PARP16: variants seen among roughly 807,000 people sequenced by gnomAD.
PARP16 encodes protein mono-ADP-ribosyltransferase PARP16.
In PARP16, 31 loss-of-function variants were observed where a neutral mutation model predicts 35.0. The observed-to-expected ratio is 0.88, with a 90% CI of 0.66 to 1.19. The LOEUF (loss-of-function observed/expected upper bound fraction) is 1.19. Among genes scored for constraint, PARP16 ranks in the 50% most tolerant of loss-of-function variants. The probability of loss-of-function intolerance (pLI) is 0.00; values close to 1 mark genes in which losing one functional copy is unlikely to be tolerated. For synonymous variants in PARP16, 162 were observed against 169.5 expected (o/e 0.96, Z 0.34); for missense variants, 424 against 411.2 (o/e 1.03, Z -0.27).
intron 2 of PARP16, among the ~76,000 whole-genome samples, chr15:65,267,252 A>T (rs2140889841): frequency 6.6e-6 from 1 of 151,706 alleles, no homozygotes; most frequent in Middle Eastern, 3.4e-3. Context: ...AAAAAATAAT[A>T]ATAATAAATA....
intron 2 of PARP16, among the ~76,000 whole-genome samples, chr15:65,269,176 T>TTTCCTTTCTTTC (rs1555423774): frequency 1.4e-5 from 2 of 146,156 alleles, no homozygotes; most frequent in East Asian, 4.2e-4. Context: ...TAGTCGGTTT[T>TTTCCTTTCTTTC]TTTCTTTCTT....
At chr15:65,247,076 G>A (rs1015581716) in intron 3 of PARP16, among the ~76,000 whole-genome samples, 2 of 151,430 alleles carry the variant, frequency 1.3e-5, no homozygotes, top group Non-Finnish European at 2.9e-5. Flanking sequence ...CTGCAGCCTC[G>A]ACCTCCTGGG....
intron 2 of PARP16, among the ~76,000 whole-genome samples, chr15:65,269,795 G>A (rs2090036851): frequency 6.6e-6 from 1 of 152,102 alleles, no homozygotes; most frequent in Non-Finnish European, 1.5e-5. Flanking sequence ...AATTTAACTG[G>A]TCCACAATCA....
chr15:65,256,442 C>A (rs1435499875), downstream of PARP16, among the ~76,000 whole-genome samples: 1 of 137,632 alleles, frequency 7.3e-6, no homozygotes, highest in Non-Finnish European at 1.5e-5. Flanking sequence ...GAGTCTCGCT[C>A]TGTCACCCAG....
chr15:65,240,323 A>AGTGTGTGTGTGTGTGTGT (rs34811236), intron 3 of PARP16, among the ~76,000 whole-genome samples: 185 of 126,114 alleles, frequency 1.5e-3, no homozygotes, highest in African/African-American at 5.0e-3. Context: ...GGGGGGGGCT[A>AGTGTGTGTGTGTGTGTGT]GTGTGTGTGT....
intron 1 of PARP16, among the ~76,000 whole-genome samples, chr15:65,271,851 A>T (rs1418670773): frequency 1.3e-5 from 2 of 152,252 alleles, no homozygotes; most frequent in African/African-American, 4.8e-5. Context: ...GGATAAAGGT[A>T]GTATGACAAC....
Position 65,270,969 on chromosome 15 carries a change from T to C in PARP16, c.278A>G (p.Lys93Arg), listed in dbSNP as rs1396608868. 2 of 1,614,114 alleles carry C rather than the reference T, an allele frequency of 1.2e-6. No homozygotes were observed. Among genetic ancestry groups the C allele is most frequent in the South Asian group, 2.2e-5 (2 of 91,074 alleles). The change falls in exon 2 of 6, where the codon AAG becomes AGG. Residue 93 changes from lysine (K) to arginine (R), a missense_variant. Coordinates refer to ENST00000649807, the MANE Select transcript of PARP16 (RefSeq NM_001316943.2). ...WDLVSWILSS[K>R]VLTIHSAGKA... is the part of the protein sequence containing the mutation. The stretch of plus-strand genomic sequence containing the variant: ...CCCTGCACTGTGGATTGTCAGGACC[T>C]TTGAGGATAAAATCCAGCTCACCAG...
At chr15:65,253,417 G>A (rs1163367849), downstream of PARP16, among the ~76,000 whole-genome samples, 6 of 149,630 alleles carry the variant, frequency 4.0e-5, no homozygotes, top group Admixed American at 1.3e-4. Flanking sequence ...TGCAAGCTCC[G>A]CCTCCCGGGT....
At position 65,248,056 on chromosome 15, in the gene PARP16, G is replaced by C. The variant is rs528394664; in HGVS notation, c.*97+61C>G. ...CCTGACCTTGTGATCCGCCCGCCTC[G>C]GCCTCCCAAAGTGCTGGGATTACAG... is the stretch of plus-strand genomic sequence containing the variant. On this transcript the variant is annotated intron_variant and NMD_transcript_variant, in intron 3 of 3. Transcript: ENST00000559805. The C allele has an allele frequency of 4.5e-4, 186 of 412,300 alleles. 3 individuals are homozygous for C. Among genetic ancestry groups the C allele is most frequent in the South Asian group, 3.1e-3 (178 of 58,248 alleles). 25.5% of individuals were successfully genotyped at this position (412,300 alleles called of 1,614,324 possible).
Position 65,259,270 on chromosome 15 carries a change from A to C in PARP16, c.*137T>G. 2.6e-6 allele frequency: 2 copies of C among 764,238 alleles called. No homozygotes were observed. The highest frequency in any genetic ancestry group is 3.7e-4 in the Middle Eastern group (1 of 2,724). 47.3% of individuals were successfully genotyped at this position (764,238 alleles called of 1,614,324 possible). On this transcript the variant is annotated 3_prime_UTR_variant, in exon 6 of 6. Transcript: ENST00000649807. ...ATCATCAAAGGCAATGGATACATTT[A>C]GGCCATATGAAAATTGTCCTGTGGT...
At chr15:65,265,092 G>A (rs775056689) in intron 3 of PARP16, among the ~76,000 whole-genome samples, 4 of 152,148 alleles carry the variant, frequency 2.6e-5, no homozygotes, top group African/African-American at 9.7e-5. Flanking sequence ...AAAACCCAAC[G>A]ACATTAACCA....
chr15:65,269,805 A>C (rs900613021), intron 2 of PARP16, among the ~76,000 whole-genome samples: 2 of 152,216 alleles, frequency 1.3e-5, no homozygotes, highest in Admixed American at 1.3e-4. Context: ...GTCCACAATC[A>C]AAAGTCTAGG....
At chr15:65,240,198 C>G (rs1035711591) in intron 3 of PARP16, among the ~76,000 whole-genome samples, 1 of 151,524 alleles carries the variant, frequency 6.6e-6, no homozygotes, top group African/African-American at 2.4e-5. Flanking sequence ...GGCTGGAGAG[C>G]AGTGGCTCGG....
chr15:65,264,839 A>C (rs1446481100), intron 3 of PARP16, among the ~76,000 whole-genome samples: 2 of 152,208 alleles, frequency 1.3e-5, no homozygotes, highest in Admixed American at 6.5e-5. Flanking sequence ...ACCCAGGCAG[A>C]GGGGCCATAG....
At chr15:65,272,451 C>G (rs1308017477) in intron 1 of PARP16, among the ~76,000 whole-genome samples, 1 of 152,156 alleles carries the variant, frequency 6.6e-6, no homozygotes, top group African/African-American at 2.4e-5. Flanking sequence ...GACTAGAGGT[C>G]AAACCTCTCC....
intron 2 of PARP16, among the ~76,000 whole-genome samples, chr15:65,268,947 G>A (rs1352312445): frequency 2.0e-5 from 3 of 152,050 alleles, no homozygotes; most frequent in Non-Finnish European, 2.9e-5. Context: ...TAGAGACGAA[G>A]CTTCATCATT....
At chr15:65,235,318 A>T (rs1470608597) in intron 3 of PARP16, among the ~76,000 whole-genome samples, 1 of 151,972 alleles carries the variant, frequency 6.6e-6, no homozygotes, top group Non-Finnish European at 1.5e-5. Context: ...CCCAAAAAAA[A>T]TTAATAAAAA....
At chr15:65,270,121 T>C (rs2090046015) in intron 2 of PARP16, among the ~76,000 whole-genome samples, 1 of 152,168 alleles carries the variant, frequency 6.6e-6, no homozygotes, top group African/African-American at 2.4e-5. Context: ...GCTTGTAAAA[T>C]TGATTACTCT....
At chr15:65,269,205 T>TCTCTCTCTCTC (rs1567029678) in intron 2 of PARP16, among the ~76,000 whole-genome samples, 3 of 147,358 alleles carry the variant, frequency 2.0e-5, no homozygotes, top group African/African-American at 7.7e-5. Context: ...TCTTTCTTTC[T>TCTCTCTCTCTC]TTTTTTTTTG....
Sources: gnomAD v4.1 joint callset for allele counts (sites outside exome capture counted in the v4.1 genomes callset) on GRCh38, gnomAD v4.1.1 for gene constraint, MANE v1.5 for transcripts, NCBI Gene and HGNC (gene_info 2026-07-23, HGNC 2026-07-21) for gene names.